ADAMTSL1: variants seen among roughly 807,000 people sequenced by gnomAD.
The protein encoded by ADAMTSL1 is ADAMTS like 1, also known as ADAMTS-like protein 1.
Under a neutral mutation model 201.8 loss-of-function variants are expected in ADAMTSL1, and 126 were observed. The observed-to-expected ratio is 0.62, with a 90% confidence interval of 0.54 to 0.72. The LOEUF (loss-of-function observed/expected upper bound fraction) is 0.72. ADAMTSL1 is among the 30% of genes least tolerant of loss of function. The probability of loss-of-function intolerance (pLI) is 0.00; values close to 1 mark genes in which losing one functional copy is unlikely to be tolerated. For missense variants in ADAMTSL1, 2,679 were observed against 2,277.8 expected (o/e 1.18, Z -3.59); for synonymous variants, 1,121 against 903.4 (o/e 1.24, Z -4.32).
intron 1 of ADAMTSL1, among the ~76,000 whole-genome samples, chr9:17,915,951 G>A (rs12349318): frequency 9.9e-5 from 15 of 151,032 alleles, no homozygotes; most frequent in African/African-American, 3.4e-4. Context: ...TGACAGTCTT[G>A]CTCTGTTGCC....
At chr9:18,441,124 A>G (rs1029830459) in intron 2 of ADAMTSL1, among the ~76,000 whole-genome samples, 1 of 152,142 alleles carries the variant, frequency 6.6e-6, no homozygotes, top group Admixed American at 6.5e-5. Context: ...AGTCAAACCC[A>G]TAAGATACAA....
chr9:18,492,027 G>C (rs1287159374), intron 1 of ADAMTSL1, among the ~76,000 whole-genome samples: 2 of 152,130 alleles, frequency 1.3e-5, no homozygotes, highest in Non-Finnish European at 2.9e-5. Context: ...GATTGATGTA[G>C]TTACAACAAA....
rs966119267 is a variant in ADAMTSL1 at position 18,675,815 on chromosome 9, T to G, written c.1086-42T>G. 4.5e-6 allele frequency: 7 copies of G among 1,566,446 alleles called. No individual in the cohort carries two copies. In the African/African-American group the frequency reaches 9.5e-5, roughly 21 times the overall value. ...ATCATTTAGTGTTTATTTTATTGTG[T>G]GTACCTTCTACTCAGAGGGTTGGCA... On this transcript the variant is annotated intron_variant, in intron 9 of 28. Transcript: ENST00000380548.
At chr9:18,179,874 A>G (rs1439636809) in intron 2 of ADAMTSL1, among the ~76,000 whole-genome samples, 1 of 152,168 alleles carries the variant, frequency 6.6e-6, no homozygotes, top group East Asian at 1.9e-4. Context: ...TCCTGAAGGA[A>G]GCGCTAAACA....
At chr9:18,659,781 G>A (rs983937208) in intron 8 of ADAMTSL1, among the ~76,000 whole-genome samples, 1 of 151,984 alleles carries the variant, frequency 6.6e-6, no homozygotes, top group Non-Finnish European at 1.5e-5. Flanking sequence ...AAAGAAGAAA[G>A]AAAGAAGGAA....
intron 15 of ADAMTSL1, among the ~76,000 whole-genome samples, chr9:18,730,823 T>C (rs1350308463): frequency 6.6e-6 from 1 of 152,184 alleles, no homozygotes; most frequent in African/African-American, 2.4e-5. Flanking sequence ...AGTGGTGTCT[T>C]CTCTGTAACT....
At chr9:18,662,612 A>G (rs1279531548) in intron 9 of ADAMTSL1, among the ~76,000 whole-genome samples, 1 of 152,224 alleles carries the variant, frequency 6.6e-6, no homozygotes. Flanking sequence ...GAAAGAACTT[A>G]TTCTCGGTAG....
chr9:18,224,510 C>T (rs1054083898), intron 2 of ADAMTSL1, among the ~76,000 whole-genome samples: 12 of 152,136 alleles, frequency 7.9e-5, no homozygotes, highest in Non-Finnish European at 1.8e-4. Flanking sequence ...ATATTCACAT[C>T]ATAACATTCT....
chr9:18,094,686 G>A (rs1824166707), intron 1 of ADAMTSL1, among the ~76,000 whole-genome samples: 4 of 151,158 alleles, frequency 2.6e-5, no homozygotes, highest in South Asian at 2.1e-4. Flanking sequence ...TCAGCCTCCC[G>A]AGTAGGTGGG....
Position 18,133,617 on chromosome 9 carries a change from G to C in ADAMTSL1, c.88-30245G>C, listed in dbSNP as rs144615405. 3.5e-3 allele frequency among the ~76,000 whole-genome samples: 528 copies of C among 152,206 alleles called. 3 individuals are homozygous for C. The highest frequency in any genetic ancestry group is 9.1e-3 in the Admixed American group (139 of 15,286). ...AGCTTTTGATTCTGTTGGCCTGGAAGTAATGGACCCCATTCAAGGTCTGAT... is the reference window on the plus strand; with the variant it reads ...AGCTTTTGATTCTGTTGGCCTGGAACTAATGGACCCCATTCAAGGTCTGAT... On this transcript the variant is annotated intron_variant, in intron 1 of 29. Coordinates refer to the ADAMTSL1 transcript ENST00000680146.
intron 19 of ADAMTSL1, among the ~76,000 whole-genome samples, chr9:18,780,007 G>A (rs1319683563): frequency 2.0e-5 from 3 of 152,244 alleles, no homozygotes; most frequent in South Asian, 2.1e-4. Flanking sequence ...GCTGTGGAAC[G>A]AGACAGGGCA....
chr9:18,683,895 T>C (rs1830670381), intron 12 of ADAMTSL1, among the ~76,000 whole-genome samples: 1 of 152,186 alleles, frequency 6.6e-6, no homozygotes. Flanking sequence ...ACATATTTCT[T>C]TCATCTTTGC....
chr9:18,621,202 A>G (rs1826014764), intron 4 of ADAMTSL1, among the ~76,000 whole-genome samples: 1 of 152,204 alleles, frequency 6.6e-6, no homozygotes, highest in African/African-American at 2.4e-5. Flanking sequence ...ACTGTAAGCC[A>G]TACAACCTGG....
intron 1 of ADAMTSL1, among the ~76,000 whole-genome samples, chr9:18,100,120 A>T (rs1446156001): frequency 6.6e-6 from 1 of 151,824 alleles, no homozygotes; most frequent in African/African-American, 2.4e-5. Flanking sequence ...GCCTGTTTTT[A>T]TGTAGATTGT....
intron 1 of ADAMTSL1, among the ~76,000 whole-genome samples, chr9:18,121,752 A>G (rs545411726): frequency 6.6e-6 from 1 of 152,318 alleles, no homozygotes; most frequent in South Asian, 2.1e-4. Context: ...AATTAAAATG[A>G]TGGTGTATTT....
intron 1 of ADAMTSL1, among the ~76,000 whole-genome samples, chr9:17,948,600 G>A (rs1827605606): frequency 6.6e-6 from 1 of 152,148 alleles, no homozygotes; most frequent in African/African-American, 2.4e-5. Context: ...ATGAATACTA[G>A]TTTCTAGATT....
At chr9:18,576,401 A>G (rs952377204) in intron 4 of ADAMTSL1, among the ~76,000 whole-genome samples, 1 of 152,220 alleles carries the variant, frequency 6.6e-6, no homozygotes, top group African/African-American at 2.4e-5. Context: ...TAAACCATGG[A>G]TGACCATAGT....
At chr9:18,626,855 C>A in intron 5 of ADAMTSL1, among the ~76,000 whole-genome samples, 1 of 133,072 alleles carries the variant, frequency 7.5e-6, no homozygotes, top group African/African-American at 3.1e-5. Flanking sequence ...TTCTTTCTTT[C>A]TTTCTTTCTT....
chr9:18,524,470 A>G (rs1587455282), intron 2 of ADAMTSL1, among the ~76,000 whole-genome samples: 2 of 152,250 alleles, frequency 1.3e-5, no homozygotes, highest in Admixed American at 6.5e-5. Context: ...AGAACTTCCA[A>G]CACTATGTTG....
Sources: allele counts gnomAD v4.1 joint callset (sites outside exome capture counted in the v4.1 genomes callset), GRCh38; gene constraint gnomAD v4.1.1; transcripts MANE v1.5; gene names NCBI Gene and HGNC (gene_info 2026-07-23, HGNC 2026-07-21).